PSD3: variants seen among roughly 807,000 people sequenced by gnomAD.
PSD3 encodes pleckstrin and Sec7 domain containing 3.
A neutral mutation model predicts 105.5 loss-of-function variants in PSD3; 49 were observed. That is an observed-to-expected ratio of 0.46 (90% CI 0.37 to 0.59). The LOEUF (loss-of-function observed/expected upper bound fraction) is 0.59, where lower values mean the gene tolerates loss of function less well. Ranked by LOEUF, PSD3 falls within the 20% of genes least tolerant of loss-of-function variation. The pLI, the probability that PSD3 is intolerant of heterozygous loss-of-function variation, is 0.00. For missense variants in PSD3, 1,561 were observed against 1,263.8 expected, an observed-to-expected ratio of 1.24 and a Z score of -3.57; for synonymous variants, 557 against 457.8, an observed-to-expected ratio of 1.22 and a Z score of -2.77.
intron 1 of PSD3, among the ~76,000 whole-genome samples, chr8:18,975,771 A>C (rs1824911049): frequency 6.6e-6 from 1 of 152,196 alleles, no homozygotes; most frequent in Admixed American, 6.5e-5. Flanking sequence ...TCACAAAGGA[A>C]GAAATACTAA....
At chr8:18,690,110 G>A (rs1800890600) in intron 9 of PSD3, among the ~76,000 whole-genome samples, 1 of 152,122 alleles carries the variant, frequency 6.6e-6, no homozygotes, top group African/African-American at 2.4e-5. Flanking sequence ...AAAGTTCAAG[G>A]CTGGGAGACT....
At chr8:18,995,838 C>G (rs547823520) in intron 1 of PSD3, among the ~76,000 whole-genome samples, 2 of 151,886 alleles carry the variant, frequency 1.3e-5, no homozygotes, top group Non-Finnish European at 2.9e-5. Context: ...AAACCCACCC[C>G]CATGATTCAA....
chr8:19,017,546 T>G (rs1827216590), upstream of PSD3, among the ~76,000 whole-genome samples: 1 of 152,192 alleles, frequency 6.6e-6, no homozygotes, highest in Non-Finnish European at 1.5e-5. Context: ...CTATCCCCAT[T>G]GGCGGTCGCT....
intron 1 of PSD3, among the ~76,000 whole-genome samples, chr8:19,061,664 G>C (rs1453123917): frequency 6.6e-6 from 1 of 152,130 alleles, no homozygotes; most frequent in Non-Finnish European, 1.5e-5. Context: ...AATTAGCCAG[G>C]TGTGGTGGGG....
intron 14 of PSD3, among the ~76,000 whole-genome samples, chr8:18,564,785 T>C (rs989830214): frequency 1.3e-5 from 2 of 152,122 alleles, no homozygotes; most frequent in Admixed American, 1.3e-4. Context: ...TCCACTCACC[T>C]GGCTCTGAGC....
chr8:18,777,458 G>A lies in PSD3; in HGVS notation c.2083-11920C>T, dbSNP rs529965228. On this transcript the variant is annotated intron_variant, in intron 8 of 15. Transcript: ENST00000327040. The stretch of plus-strand genomic sequence containing the variant: ...ACCTTTATTGTTTCCTTCCACTAAT[G>A]TTGAGTTTTTTTCCCATGCTTTTCT... Among the ~76,000 whole-genome samples the A allele has an allele frequency of 6.6e-5, 10 of 152,154 alleles. No homozygotes were observed. In the South Asian group the frequency reaches 1.9e-3, roughly 28 times the overall value.
intron 15 of PSD3, among the ~76,000 whole-genome samples, chr8:18,539,825 C>T (rs1800056035): frequency 6.6e-6 from 1 of 152,026 alleles, no homozygotes; most frequent in African/African-American, 2.4e-5. Context: ...GGATTACAAG[C>T]GTGAGGCACC....
In PSD3 at chr8:19,075,277, T is replaced by C. The variant is rs149703458; in HGVS notation, c.324+8929A>G. ...ATTACGAATTTTTAAAGTAGATTTA[T>C]TTTCCTTGTAGAGATAGTCTCTTAC... On this transcript the variant is annotated intron_variant, in intron 1 of 1. Transcript: ENST00000521475. Among the ~76,000 whole-genome samples the C allele has an allele frequency of 1.1e-4, 17 of 152,298 alleles. No individual in the cohort carries two copies. In the East Asian group the frequency reaches 3.3e-3, roughly 29 times the overall value.
intron 2 of PSD3, among the ~76,000 whole-genome samples, chr8:18,927,081 C>T (rs536536853): frequency 3.2e-4 from 48 of 152,214 alleles, no homozygotes; most frequent in African/African-American, 1.1e-3. Context: ...TTACAAAGGA[C>T]GCTGAAGAGA....
chr8:18,670,742 T>G (rs1799739184), intron 9 of PSD3, among the ~76,000 whole-genome samples: 1 of 152,180 alleles, frequency 6.6e-6, no homozygotes, highest in African/African-American at 2.4e-5. Context: ...CAAAACATTG[T>G]TACGGTATGT....
intron 1 of PSD3, among the ~76,000 whole-genome samples, chr8:18,996,092 A>T (rs1826066974): frequency 6.6e-6 from 1 of 151,172 alleles, no homozygotes; most frequent in African/African-American, 2.5e-5. Flanking sequence ...TCCACACAAG[A>T]TCCAAGGACA....
At chr8:18,568,830 A>G (rs1801960599) in intron 14 of PSD3, among the ~76,000 whole-genome samples, 1 of 151,446 alleles carries the variant, frequency 6.6e-6, no homozygotes, top group African/African-American at 2.4e-5. Flanking sequence ...AGCATTAGGT[A>G]TATCTCCCGA....
At chr8:18,681,144 T>A (rs1563167181) in intron 9 of PSD3, among the ~76,000 whole-genome samples, 1 of 152,084 alleles carries the variant, frequency 6.6e-6, no homozygotes, top group Admixed American at 6.6e-5. Context: ...TAACATTAAA[T>A]CCCAGGAGCG....
At chr8:18,780,642 G>A (rs941355277) in intron 8 of PSD3, among the ~76,000 whole-genome samples, 6 of 151,938 alleles carry the variant, frequency 3.9e-5, no homozygotes, top group African/African-American at 7.3e-5. Context: ...TAAGCTCTGC[G>A]TCTTGGGTTC....
At chr8:18,716,472 C>T (rs1478818563) in intron 9 of PSD3, among the ~76,000 whole-genome samples, 6 of 152,098 alleles carry the variant, frequency 3.9e-5, no homozygotes, top group Admixed American at 2.0e-4. Context: ...AAACAAAAGG[C>T]TGAGAGTGGG....
chr8:19,042,365 A>T (rs1828152473), intron 1 of PSD3, among the ~76,000 whole-genome samples: 1 of 152,218 alleles, frequency 6.6e-6, no homozygotes, highest in South Asian at 2.1e-4. Flanking sequence ...AGTCCCCAAC[A>T]TGTTCTCCAA....
intron 4 of PSD3, among the ~76,000 whole-genome samples, chr8:18,827,047 G>C (rs1813249838): frequency 1.3e-5 from 2 of 152,158 alleles, no homozygotes; most frequent in South Asian, 2.1e-4. Context: ...AAGAGCAGCA[G>C]CTTAAGAGGA....
intron 1 of PSD3, among the ~76,000 whole-genome samples, chr8:19,071,396 GT>G (rs1829256703): frequency 6.6e-6 from 1 of 152,056 alleles, no homozygotes; most frequent in Non-Finnish European, 1.5e-5. Context: ...CGTTTATGGG[GT>G]ACCAGCTCCC....
intron 11 of PSD3, among the ~76,000 whole-genome samples, chr8:18,624,108 G>A (rs1409378999): frequency 6.6e-6 from 1 of 152,060 alleles, no homozygotes; most frequent in Non-Finnish European, 1.5e-5. Context: ...AACACTAAGA[G>A]TTTTTATAGG....
Sources: gnomAD v4.1 joint callset for allele counts (sites outside exome capture counted in the v4.1 genomes callset) on GRCh38, gnomAD v4.1.1 for gene constraint, MANE v1.5 for transcripts, NCBI Gene and HGNC (gene_info 2026-07-23, HGNC 2026-07-21) for gene names.